ELMO1: variants seen among roughly 807,000 people sequenced by gnomAD.
ELMO1 encodes the protein engulfment and cell motility protein 1.
ELMO1 carries 26 observed loss-of-function variants against 98.9 expected under a neutral mutation model. The ratio of observed to expected loss-of-function variants is 0.26; its 90% CI spans 0.19 to 0.36. The LOEUF (loss-of-function observed/expected upper bound fraction) is 0.36, where lower values mean the gene tolerates loss of function less well. ELMO1 is among the 10% of genes least tolerant of loss of function. ELMO1 has a pLI of 1.00. For missense variants in ELMO1, 627 were observed against 935.2 expected (o/e 0.67, Z 4.30); for synonymous variants, 346 against 346.0 (o/e 1.00, Z 0.00).
chr7:37,267,149 G>A (rs1185676806), intron 5 of ELMO1, among the ~76,000 whole-genome samples: 1 of 151,284 alleles, frequency 6.6e-6, no homozygotes, highest in Non-Finnish European at 1.5e-5. Flanking sequence ...ACAGTTTCTT[G>A]TGGGTATCCC....
intron 19 of ELMO1, among the ~76,000 whole-genome samples, chr7:36,871,278 G>A (rs528049176): frequency 1.1e-4 from 16 of 152,348 alleles, no homozygotes; most frequent in South Asian, 4.1e-4. Flanking sequence ...GCTCATGCCT[G>A]TAATTCTAGC....
intron 4 of ELMO1, among the ~76,000 whole-genome samples, chr7:37,304,127 C>T (rs1798484082): frequency 6.6e-6 from 1 of 152,144 alleles, no homozygotes; most frequent in Non-Finnish European, 1.5e-5. Flanking sequence ...TAGCTCCCAT[C>T]CAGTTCCCAA....
intron 16 of ELMO1, among the ~76,000 whole-genome samples, chr7:36,923,799 A>G (rs920893690): frequency 6.6e-5 from 10 of 152,186 alleles, no homozygotes; most frequent in African/African-American, 2.4e-4. Context: ...AGCACCAAAG[A>G]GATGTTTGAG....
chr7:37,064,542 G>A (rs1796848617), intron 15 of ELMO1, among the ~76,000 whole-genome samples: 1 of 152,186 alleles, frequency 6.6e-6, no homozygotes, highest in South Asian at 2.1e-4. Context: ...TGCCTCAGTG[G>A]TGTAGCTGTT....
chr7:37,246,892 C>G (rs1193505888), intron 6 of ELMO1, among the ~76,000 whole-genome samples: 2 of 151,128 alleles, frequency 1.3e-5, no homozygotes, highest in African/African-American at 4.9e-5. Context: ...ATCTATCTAT[C>G]TATATCTCCT....
chr7:37,062,482 A>G (rs1298163598), intron 15 of ELMO1, among the ~76,000 whole-genome samples: 1 of 152,228 alleles, frequency 6.6e-6, no homozygotes, highest in East Asian at 1.9e-4. Flanking sequence ...ACATGTAACT[A>G]CCATGAAAAT....
chr7:37,039,212 T>A (rs1795362820), intron 15 of ELMO1, among the ~76,000 whole-genome samples: 1 of 152,242 alleles, frequency 6.6e-6, no homozygotes, highest in Non-Finnish European at 1.5e-5. Context: ...TTACATTATA[T>A]ACTTATCAAG....
At chr7:36,928,868 T>C (rs1425845656) in intron 16 of ELMO1, among the ~76,000 whole-genome samples, 1 of 152,120 alleles carries the variant, frequency 6.6e-6, no homozygotes, top group Non-Finnish European at 1.5e-5. Flanking sequence ...GTGTGGCATA[T>C]GACACACAAA....
In ELMO1 at chr7:37,150,791, T is replaced by A. The variant is rs368731690; in HGVS notation, c.1087-17557A>T. Among the ~76,000 whole-genome samples, 128 of 152,340 alleles carry A rather than the reference T, an allele frequency of 8.4e-4. 2 individuals are homozygous for A. In the South Asian group the frequency reaches 0.025, roughly 30 times the overall value. ...GTGGTGGGAAGACAGGTAATTTTTT[T>A]CTATCTGTCCATATCTTTCTAACTT... On this transcript the variant is annotated intron_variant, in intron 13 of 21. Coordinates refer to ENST00000310758, the MANE Select transcript of ELMO1 (RefSeq NM_014800.11).
intron 5 of ELMO1, 39 bp downstream of exon 5, chr7:37,271,793 A>G: frequency 6.2e-7 from 1 of 1,606,044 alleles, no homozygotes; most frequent in Non-Finnish European, 8.5e-7. Context: ...AACGCAGAGC[A>G]AAGAGTTTGC....
intron 15 of ELMO1, among the ~76,000 whole-genome samples, chr7:37,032,786 A>G (rs1445537667): frequency 6.6e-6 from 1 of 152,196 alleles, no homozygotes; most frequent in Non-Finnish European, 1.5e-5. Flanking sequence ...ATTCCACTTC[A>G]GAAAACATTT....
intron 4 of ELMO1, among the ~76,000 whole-genome samples, chr7:37,308,446 A>C (rs960730723): frequency 6.6e-6 from 1 of 152,198 alleles, no homozygotes; most frequent in Non-Finnish European, 1.5e-5. Context: ...CCATCAATCT[A>C]GCCCACTTTA....
At chr7:37,178,362 G>A (rs1252251461) in intron 13 of ELMO1, among the ~76,000 whole-genome samples, 5 of 151,190 alleles carry the variant, frequency 3.3e-5, no homozygotes, top group Admixed American at 1.3e-4. Context: ...CTGCCCCCAT[G>A]ATTCAATTAT....
At chr7:36,971,152 C>G (rs950479615) in intron 16 of ELMO1, among the ~76,000 whole-genome samples, 1 of 152,124 alleles carries the variant, frequency 6.6e-6, no homozygotes, top group African/African-American at 2.4e-5. Context: ...TAGCAAAGAA[C>G]GAAAGGTCTA....
chr7:36,946,724 G>C (rs539205302), intron 16 of ELMO1, among the ~76,000 whole-genome samples: 1 of 152,224 alleles, frequency 6.6e-6, no homozygotes, highest in African/African-American at 2.4e-5. Flanking sequence ...TCTTTTGGGA[G>C]TTCATCTTCT....
chr7:36,986,118 T>G (rs1260547891), intron 16 of ELMO1: 7 of 988,876 alleles, frequency 7.1e-6, no homozygotes, highest in Non-Finnish European at 7.2e-6. Flanking sequence ...CTTTAAATGG[T>G]ATACACTCCA....
chr7:37,237,285 TTTTA>T (rs933147334), intron 7 of ELMO1, among the ~76,000 whole-genome samples: 76 of 152,204 alleles, frequency 5.0e-4, no homozygotes, highest in African/African-American at 1.6e-3. Context: ...TAATACAGAA[TTTTA>T]TTTATTTATT....
intron 17 of ELMO1, among the ~76,000 whole-genome samples, chr7:36,890,567 C>T (rs2129052815): frequency 6.6e-6 from 1 of 152,344 alleles, no homozygotes; most frequent in Non-Finnish European, 1.5e-5. Flanking sequence ...CTTTCTCTTA[C>T]ACCCCTTAGG....
chr7:36,861,991 T>A, intron 20 of ELMO1: 3 of 501,362 alleles, frequency 6.0e-6, no homozygotes. Flanking sequence ...ATCTCCTTTA[T>A]GAGGTGGGGC....
Sources: gnomAD v4.1 joint callset for allele counts (sites outside exome capture counted in the v4.1 genomes callset) on GRCh38, gnomAD v4.1.1 for gene constraint, MANE v1.5 for transcripts, NCBI Gene and HGNC (gene_info 2026-07-23, HGNC 2026-07-21) for gene names.